Variants in EIF4A3 observed in about 807,000 individuals in gnomAD.
EIF4A3 encodes the protein eukaryotic translation initiation factor 4A3.
EIF4A3 carries 1 observed loss-of-function variant against 55.6 expected under a neutral mutation model. The observed-to-expected ratio is 0.02, with a 90% CI of 0.01 to 0.09. EIF4A3 has a LOEUF of 0.09. EIF4A3 is among the 10% of genes least tolerant of loss of function. The pLI is 1.00. For synonymous variants in EIF4A3, 194 were observed against 196.3 expected, an observed-to-expected ratio of 0.99 and a Z score of 0.10; for missense variants, 221 against 540.7, an observed-to-expected ratio of 0.41 and a Z score of 5.86.
intron 2 of EIF4A3, among the ~76,000 whole-genome samples, chr17:80,142,813 A>C (rs548269892): frequency 7.2e-5 from 11 of 152,308 alleles, no homozygotes; most frequent in Middle Eastern, 6.8e-3. Flanking sequence ...TGGGAAGCCA[A>C]GGCAGACAGA....
At chr17:80,144,276 C>G in intron 1 of EIF4A3, 32 bp from the exon 2 acceptor site, 2 of 1,607,086 alleles carry the variant, frequency 1.2e-6, no homozygotes, top group Non-Finnish European at 1.7e-6. Context: ...TAGCCCTCAC[C>G]ACAATGACAG....
chr17:80,140,214 T>C, intron 4 of EIF4A3, 74 bp from the exon 5 acceptor site: 1 of 1,435,710 alleles, frequency 7.0e-7, no homozygotes, highest in Non-Finnish European at 9.2e-7. Context: ...AAAGACTGTT[T>C]CTCCTCCGAG....
At chr17:80,141,451 T>A (rs773899935) in intron 3 of EIF4A3, 70 bp from the exon 4 acceptor site, 118 of 1,442,722 alleles carry the variant, frequency 8.2e-5, no homozygotes, top group Non-Finnish European at 1.1e-4. Context: ...TAATTCACAC[T>A]CAGATCTATA....
chr17:80,142,669 T>C (rs2039627631), intron 2 of EIF4A3, among the ~76,000 whole-genome samples: 1 of 152,064 alleles, frequency 6.6e-6, no homozygotes, highest in South Asian at 2.1e-4. Flanking sequence ...TCCTTAATCC[T>C]CGAAGTTAGA....
chr17:80,146,837 G>C lies in EIF4A3; in HGVS notation c.125C>G (p.Thr42Ser). Residue 42 changes from threonine to serine, a missense_variant, in exon 1 of 12, where the codon ACC becomes AGC. Transcript: ENST00000649764. ...EEVDVTPTFD[T>S]MGLREDLLRG... The stretch of plus-strand genomic sequence containing the variant: ...CAGCAGGTCCTCCCGCAGGCCCATG[G>C]TGTCGAACGTGGGGGTCACATCCAC... 6.2e-7 allele frequency: 1 copy of C among 1,611,562 alleles called. No individual in the cohort carries two copies. Among genetic ancestry groups the C allele is most frequent in the Non-Finnish European group, 8.5e-7 (1 of 1,179,210 alleles).
Position 80,140,159 on chromosome 17 carries a change from T to A in EIF4A3, c.373-19A>T. On this transcript the variant is annotated intron_variant, in intron 4 of 11. Transcript: ENST00000649764. ...GCAGCCCCTGAAACAAAGCACAGGTTCACGTCCAGGGTGGGAGAGAGAAAC... is the reference window on the plus strand; with the variant it reads ...GCAGCCCCTGAAACAAAGCACAGGTACACGTCCAGGGTGGGAGAGAGAAAC... 1 of 1,574,580 alleles carries A rather than the reference T, an allele frequency of 6.4e-7. No homozygotes were observed. The highest frequency in any genetic ancestry group is 8.6e-7 in the Non-Finnish European group (1 of 1,157,084).
chr17:80,141,337 C>T lies in EIF4A3; in HGVS notation c.354G>A (p.Leu118=). The change falls in exon 4 of 12, where the codon TTG becomes TTA. Residue 118 remains leucine, a synonymous_variant. Coordinates refer to ENST00000649764, the MANE Select transcript of EIF4A3 (RefSeq NM_014740.4). ...QALILAPTRE[L]AVQIQKGLLA... ...ATCTCACCTTCTGGATCTGCACAGC[C>T]AACTCTCTTGTGGGAGCCAAGATCA... 1 of 1,613,656 alleles carries T rather than the reference C, an allele frequency of 6.2e-7. No homozygotes were observed. The highest frequency in any genetic ancestry group is 8.5e-7 in the Non-Finnish European group (1 of 1,179,646).
intron 9 of EIF4A3, chr17:80,136,666 AAAAACGGTAACTTCAGCCGGGCATGGCGG>A (rs2039573013): frequency 7.2e-6 from 2 of 276,244 alleles, no homozygotes; most frequent in African/African-American, 4.4e-5. Context: ...GCAAAAAATT[AAAAACGGTAACTTCAGCCGGGCATGGCGG>A]CGGCTTATGC....
intron 7 of EIF4A3, 172 bp from the exon 8 acceptor site, chr17:80,138,452 G>C (rs2039591221): frequency 1.5e-6 from 1 of 654,736 alleles, no homozygotes; most frequent in African/African-American, 1.8e-5. Context: ...CCGTCACACA[G>C]GCCTCCATTC....
chr17:80,138,782 GA>G, intron 7 of EIF4A3: 1 of 501,178 alleles, frequency 2.0e-6, no homozygotes, highest in Non-Finnish European at 3.5e-6. Context: ...TATTGGTAGA[GA>G]TACGGTCTCT....
chr17:80,142,100 G>C (rs912400040), intron 2 of EIF4A3, among the ~76,000 whole-genome samples: 14 of 152,182 alleles, frequency 9.2e-5, no homozygotes, highest in Admixed American at 7.9e-4. Context: ...TTCAAGAGGT[G>C]TTTCATAGGT....
chr17:80,135,665 G>A, intron 11 of EIF4A3, 159 bp from the exon 12 acceptor site: 2 of 671,430 alleles, frequency 3.0e-6, no homozygotes, highest in Non-Finnish European at 5.1e-6. Context: ...GGAGGCTGAG[G>A]TGGGCAGATC....
intron 3 of EIF4A3, 82 bp downstream of exon 3, chr17:80,141,699 CT>C: frequency 7.1e-7 from 1 of 1,417,750 alleles, no homozygotes; most frequent in Non-Finnish European, 9.8e-7. Context: ...TTAAATTGTA[CT>C]TTTTGAACAC....
chr17:80,137,481 T>C lies in EIF4A3; in HGVS notation c.888A>G (p.Lys296=), dbSNP rs1341022400. Residue 296 remains lysine, a synonymous_variant, in exon 9 of 12, where the codon AAA becomes AAG. Transcript: ENST00000649764. The stretch of plus-strand genomic sequence containing the variant: ...ATACAGTGAAGTTGGCTTCCCTCAT[T>C]TTCTCCGTCAGCCAGTCCACCTACA... ...TKRKVDWLTE[K]MREANFTVSS... The C allele has an allele frequency of 6.8e-6, 11 of 1,613,522 alleles. No individual in the cohort carries two copies. The highest frequency in any genetic ancestry group is 9.3e-6 in the Non-Finnish European group (11 of 1,179,836).
At position 80,144,679 on chromosome 17, in the gene EIF4A3, A is replaced by C. The variant is rs545688341; in HGVS notation, c.170-435T>G. ...ATACTACTTTTTAAATTAAAAAAAA[A>C]AACAACAAAAAAACAGGAAAGTCAC... On this transcript the variant is annotated intron_variant, in intron 1 of 11. Coordinates refer to ENST00000649764, the MANE Select transcript of EIF4A3 (RefSeq NM_014740.4). Among the ~76,000 whole-genome samples, 179 of 152,208 alleles carry C rather than the reference A, an allele frequency of 1.2e-3. 1 individual carries two copies. Among genetic ancestry groups the C allele is most frequent in the African/African-American group, 3.9e-3 (164 of 41,556 alleles).
chr17:80,139,534 C>G, intron 6 of EIF4A3, 136 bp downstream of exon 6: 1 of 813,310 alleles, frequency 1.2e-6, no homozygotes. Flanking sequence ...TCATAATTGC[C>G]AAGGCACAAT....
chr17:80,137,250 AC>A, intron 9 of EIF4A3, 135 bp downstream of exon 9: 1 of 680,990 alleles, frequency 1.5e-6, no homozygotes. Context: ...TTTTCTGCTC[AC>A]CCAGGGCCTC....
In EIF4A3 at chr17:80,139,279, C is replaced by T. The variant is rs2039598969; in HGVS notation, c.587-117G>A. ...CAGAGTGGTGATAAGGTACGTTTGA[C>T]AGGAAATCTCATTTTTACAGCACCA... On this transcript the variant is annotated intron_variant, in intron 6 of 11. Coordinates refer to ENST00000649764, the MANE Select transcript of EIF4A3 (RefSeq NM_014740.4). 22 of 1,371,386 alleles carry T rather than the reference C, an allele frequency of 1.6e-5. No homozygotes were observed. The South Asian group carries it at 2.5e-4, about 16-fold the overall frequency. 85.0% of individuals were successfully genotyped at this position (1,371,386 alleles called of 1,614,324 possible). A position where few individuals can be genotyped will look rare whatever the true frequency, so the allele number is the denominator to read the frequency against.
chr17:80,145,331 G>A (rs978836857), intron 1 of EIF4A3, among the ~76,000 whole-genome samples: 1 of 152,206 alleles, frequency 6.6e-6, no homozygotes, highest in Non-Finnish European at 1.5e-5. Context: ...TTGGGAGGCT[G>A]AGGCTGGTGG....
Sources: gnomAD v4.1 joint callset for allele counts (sites outside exome capture counted in the v4.1 genomes callset) on GRCh38, gnomAD v4.1.1 for gene constraint, MANE v1.5 for transcripts, NCBI Gene and HGNC (gene_info 2026-07-23, HGNC 2026-07-21) for gene names.